ANO10: variants seen among roughly 807,000 people sequenced by gnomAD.
ANO10 encodes the protein anoctamin-10.
ANO10 carries 77 observed loss-of-function variants against 74.7 expected under a neutral mutation model. The observed-to-expected ratio is 1.03, with a 90% confidence interval of 0.86 to 1.25. The LOEUF (loss-of-function observed/expected upper bound fraction) is 1.25, where lower values mean the gene tolerates loss of function less well. ANO10 is among the 50% of genes most tolerant of loss of function. The pLI is 0.00. For synonymous variants in ANO10, 279 were observed against 284.9 expected (o/e 0.98, Z 0.21); for missense variants, 721 against 778.1 (o/e 0.93, Z 0.87).
At chr3:43,439,865 G>C (rs550537010) in intron 11 of ANO10, among the ~76,000 whole-genome samples, 2 of 152,272 alleles carry the variant, frequency 1.3e-5, no homozygotes, top group East Asian at 1.9e-4. Context: ...CTGAGTGACA[G>C]AGTGAGACCC....
At chr3:43,590,732 G>A (rs1469433121) in intron 4 of ANO10, among the ~76,000 whole-genome samples, 1 of 152,222 alleles carries the variant, frequency 6.6e-6, no homozygotes, top group Non-Finnish European at 1.5e-5. Context: ...CTCAGTTTGA[G>A]CAAACAAGCT....
At chr3:43,632,132 T>C (rs2083555033) in intron 1 of ANO10, among the ~76,000 whole-genome samples, 1 of 152,032 alleles carries the variant, frequency 6.6e-6, no homozygotes, top group South Asian at 2.1e-4. Flanking sequence ...CAGAATATGA[T>C]ACAGAGTTCA....
chr3:43,481,300 A>C (rs1031073740), intron 11 of ANO10, among the ~76,000 whole-genome samples: 1 of 152,220 alleles, frequency 6.6e-6, no homozygotes, highest in Non-Finnish European at 1.5e-5. Context: ...ATGATTAGAT[A>C]AAAAAGCTGA....
At chr3:43,636,904 C>A (rs375836110) in intron 1 of ANO10, among the ~76,000 whole-genome samples, 2 of 152,234 alleles carry the variant, frequency 1.3e-5, no homozygotes, top group African/African-American at 4.8e-5. Context: ...TGGCTCAGGC[C>A]TATAATCCCA....
chr3:43,567,191 C>A (rs2080409812), intron 7 of ANO10, among the ~76,000 whole-genome samples: 1 of 151,988 alleles, frequency 6.6e-6, no homozygotes. Context: ...TGTGAAAAGA[C>A]CAAATCTACA....
chr3:43,409,852 G>C (rs1313736777), intron 12 of ANO10, among the ~76,000 whole-genome samples: 1 of 152,062 alleles, frequency 6.6e-6, no homozygotes, highest in African/African-American at 2.4e-5. Context: ...CAAAGCTAAG[G>C]GTCTACGCAA....
intron 9 of ANO10, among the ~76,000 whole-genome samples, chr3:43,556,433 A>C (rs546077553): frequency 6.6e-6 from 1 of 152,168 alleles, no homozygotes; most frequent in South Asian, 2.1e-4. Context: ...CAAACACAGC[A>C]GCGTGCTCCA....
At chr3:43,527,386 AGAT>A (rs903517044) in intron 11 of ANO10, among the ~76,000 whole-genome samples, 4 of 152,178 alleles carry the variant, frequency 2.6e-5, no homozygotes, top group Non-Finnish European at 4.4e-5. Context: ...ACTAAACAGA[AGAT>A]GAAGTACTCT....
intron 12 of ANO10, 53 bp from the exon 13 acceptor site, chr3:43,367,027 C>G (rs764369738): frequency 3.5e-4 from 532 of 1,521,644 alleles, no homozygotes; most frequent in Non-Finnish European, 4.4e-4. Flanking sequence ...AAGTAGTGGC[C>G]GAGGCCTCTG....
At chr3:43,452,431 TG>T (rs2074919184) in intron 11 of ANO10, among the ~76,000 whole-genome samples, 1 of 152,252 alleles carries the variant, frequency 6.6e-6, no homozygotes, top group Non-Finnish European at 1.5e-5. Context: ...TCATACAGTA[TG>T]TGGTCCTTTG....
intron 11 of ANO10, among the ~76,000 whole-genome samples, chr3:43,466,675 A>G (rs1228183678): frequency 6.6e-6 from 1 of 152,210 alleles, no homozygotes; most frequent in African/African-American, 2.4e-5. Flanking sequence ...CATTGAAGAA[A>G]ATCTTCAGGA....
intron 4 of ANO10, among the ~76,000 whole-genome samples, chr3:43,597,021 C>T (rs1334764750): frequency 6.6e-6 from 1 of 152,186 alleles, no homozygotes; most frequent in Non-Finnish European, 1.5e-5. Flanking sequence ...AAATGCTCAT[C>T]ATCACTGGCC....
At chr3:43,562,591 G>C (rs2080100400) in intron 8 of ANO10, among the ~76,000 whole-genome samples, 1 of 151,390 alleles carries the variant, frequency 6.6e-6, no homozygotes, top group Admixed American at 6.6e-5. Context: ...TGAGGTACAA[G>C]AAACGCTTGA....
At chr3:43,574,570 A>C (rs1183232095) in intron 7 of ANO10, among the ~76,000 whole-genome samples, 3 of 152,108 alleles carry the variant, frequency 2.0e-5, no homozygotes. Context: ...CTAGTTTTTA[A>C]ATAACTGGAA....
intron 11 of ANO10, among the ~76,000 whole-genome samples, chr3:43,504,546 A>G (rs529203205): frequency 1.1e-3 from 163 of 151,804 alleles, no homozygotes; most frequent in South Asian, 1.7e-3. Flanking sequence ...TGCCATTGCT[A>G]AGAGAGTTAC....
At chr3:43,675,326 CAA>C (rs1258870208) in intron 1 of ANO10, among the ~76,000 whole-genome samples, 17 of 152,156 alleles carry the variant, frequency 1.1e-4, no homozygotes, top group Non-Finnish European at 2.9e-5. Context: ...TCAAGCTAGG[CAA>C]AGAGTTCTCA....
At chr3:43,397,072 AG>A (rs2092396351) in intron 12 of ANO10, among the ~76,000 whole-genome samples, 4 of 151,744 alleles carry the variant, frequency 2.6e-5, no homozygotes, top group African/African-American at 2.4e-5. Flanking sequence ...TGGGATTACA[AG>A]CATGTGCCAC....
intron 12 of ANO10, among the ~76,000 whole-genome samples, chr3:43,398,283 T>C (rs1310794205): frequency 2.6e-5 from 4 of 152,246 alleles, no homozygotes; most frequent in African/African-American, 7.2e-5. Flanking sequence ...ATTTTATCTA[T>C]TGTGGGATTT....
At chr3:43,565,500 CTAA>C (rs1286647458) in intron 8 of ANO10, among the ~76,000 whole-genome samples, 150 bp downstream of exon 8, 1 of 151,986 alleles carries the variant, frequency 6.6e-6, no homozygotes, top group African/African-American at 2.4e-5. Flanking sequence ...AATGCCATTC[CTAA>C]TAATTTTTTA....
Sources: gnomAD v4.1 joint callset for allele counts (sites outside exome capture counted in the v4.1 genomes callset) on GRCh38, gnomAD v4.1.1 for gene constraint, MANE v1.5 for transcripts, NCBI Gene and HGNC (gene_info 2026-07-23, HGNC 2026-07-21) for gene names.